NPAS1: variants seen among roughly 807,000 people sequenced by gnomAD.
NPAS1 encodes neuronal PAS domain-containing protein 1.
Under a neutral mutation model 49.2 loss-of-function variants are expected in NPAS1, and 29 were observed. The observed-to-expected ratio is 0.59, with a 90% confidence interval of 0.44 to 0.80. The LOEUF (loss-of-function observed/expected upper bound fraction) is 0.80. Ranked by LOEUF, NPAS1 falls within the 30% of genes least tolerant of loss-of-function variation. The pLI, the probability that NPAS1 is intolerant of heterozygous loss-of-function variation, is 0.00. For missense variants in NPAS1, 825 were observed against 835.5 expected (o/e 0.99, Z 0.15); for synonymous variants, 408 against 380.4 (o/e 1.07, Z -0.84).
chr19:47,045,295 A>C lies in NPAS1; in HGVS notation c.1417A>C (p.Lys473Gln). 2 of 1,614,012 alleles carry C rather than the reference A, an allele frequency of 1.2e-6. No homozygotes were observed. Among genetic ancestry groups the C allele is most frequent in the Middle Eastern group, 3.3e-4 (2 of 6,060 alleles). ...IKVEPGPRET[K>Q]GSEDSGDEDP... The stretch of plus-strand genomic sequence containing the variant: ...AGTGGAGCCCGGCCCGAGGGAAACC[A>C]AAGGCTCCGAGGACAGTGGCGACGA... The change falls in exon 12 of 12, where the codon AAA becomes CAA. Residue 473 changes from lysine to glutamine, a missense_variant. Physicochemically the swap from Lys to Gln is moderately conservative, Grantham distance 53. Transcript: ENST00000602212.
Position 47,032,270 on chromosome 19 carries a change from TGCCCCA to T in NPAS1, c.359_364del. 1.2e-6 allele frequency: 2 copies of T among 1,613,504 alleles called. No individual in the cohort carries two copies. Among genetic ancestry groups the T allele is most frequent in the Non-Finnish European group, 1.7e-6 (2 of 1,179,730 alleles). ...GACTAACAGGCTTCATCCTTCCATC[TGCCCCA>T]GCCCCAGGCCGCCGCGGCCCCGCAG... is the stretch of plus-strand genomic sequence containing the variant. On this transcript the variant is annotated splice_acceptor_variant and splice_polypyrimidine_tract_variant and intron_variant, in intron 3 of 11. Coordinates refer to ENST00000602212, the MANE Select transcript of NPAS1 (RefSeq NM_002517.4). LOFTEE classifies it high-confidence loss of function.
chr19:47,020,878 CTG>C (rs1599889234), intron 1 of NPAS1, 126 bp from the exon 2 acceptor site: 2 of 462,164 alleles, frequency 4.3e-6, no homozygotes. Flanking sequence ...GTAGGGGAAA[CTG>C]AGGCATCATC....
chr19:47,026,819 G>T (rs2056873794), intron 3 of NPAS1, among the ~76,000 whole-genome samples: 1 of 126,550 alleles, frequency 7.9e-6, no homozygotes, highest in African/African-American at 3.3e-5. Context: ...GCCGGGCATG[G>T]TGGTGGTGCC....
At chr19:47,026,162 C>T (rs2122450130) in intron 3 of NPAS1, among the ~76,000 whole-genome samples, 1 of 152,110 alleles carries the variant, frequency 6.6e-6, no homozygotes, top group Admixed American at 6.5e-5. Context: ...TGGTCTTGAA[C>T]TCCTGACCTC....
At chr19:47,027,799 C>T (rs2122463280) in intron 3 of NPAS1, among the ~76,000 whole-genome samples, 1 of 152,242 alleles carries the variant, frequency 6.6e-6, no homozygotes, top group East Asian at 1.9e-4. Flanking sequence ...ATAAGAACCA[C>T]AGCAAGTGTT....
chr19:47,039,214 G>A (rs1018645313), intron 7 of NPAS1, 63 bp downstream of exon 7: 37 of 1,513,746 alleles, frequency 2.4e-5, no homozygotes, highest in African/African-American at 6.9e-5. Flanking sequence ...GAGGGTGACC[G>A]AGGGAACCAG....
At chr19:47,028,002 C>A (rs1205599030) in intron 3 of NPAS1, among the ~76,000 whole-genome samples, 1 of 151,740 alleles carries the variant, frequency 6.6e-6, no homozygotes, top group Admixed American at 6.6e-5. Flanking sequence ...AAAGACACAT[C>A]AGTCAGTGAT....
At chr19:47,035,723 C>T in intron 5 of NPAS1, 1 of 495,718 alleles carries the variant, frequency 2.0e-6, no homozygotes. Flanking sequence ...ACACACAGCC[C>T]CTTAATAGAG....
In NPAS1 at chr19:47,032,663, C is replaced by T. The variant is rs771145105; in HGVS notation, c.453C>T (p.Phe151=). 31 of 1,613,988 alleles carry T rather than the reference C, an allele frequency of 1.9e-5. No individual in the cohort carries two copies. The highest frequency in any genetic ancestry group is 6.7e-5 in the African/African-American group (5 of 74,914). Residue 151 remains phenylalanine, a synonymous_variant, in exon 5 of 12, where the codon TTC becomes TTT. Transcript: ENST00000602212. ...TCTAGTCCCTGGATGGCTTTGTGTT[C>T]GCCTTGAACCAGGAAGGAAAATTCC... ...HILQSLDGFV[F]ALNQEGKFLY...
chr19:47,032,729 A>G lies in NPAS1; in HGVS notation c.519A>G (p.Ser173=). 1 of 1,612,780 alleles carries G rather than the reference A, an allele frequency of 6.2e-7. No homozygotes were observed. The highest frequency in any genetic ancestry group is 2.2e-5 in the East Asian group (1 of 44,866). Reference sequence around the variant, plus strand: ...CAGTCTCCATCTATCTGGGTCTCTCACAGGTAAGGGACCCCCAGTGGACCT... The same window carrying G: ...CAGTCTCCATCTATCTGGGTCTCTCGCAGGTAAGGGACCCCCAGTGGACCT... ...SETVSIYLGL[S]QVEMTGSSVF... is the part of the protein sequence containing the mutation. The change falls in exon 5 of 12, where the codon TCA becomes TCG. Residue 173 remains serine, a synonymous_variant. Transcript: ENST00000602212.
chr19:47,024,345 C>T (rs557559169), intron 3 of NPAS1, among the ~76,000 whole-genome samples: 3 of 151,920 alleles, frequency 2.0e-5, no homozygotes, highest in Non-Finnish European at 4.4e-5. Context: ...CTGGGATAAG[C>T]CCTGTATACA....
At chr19:47,023,389 A>G (rs1461993213) in intron 3 of NPAS1, among the ~76,000 whole-genome samples, 1 of 152,154 alleles carries the variant, frequency 6.6e-6, no homozygotes, top group Non-Finnish European at 1.5e-5. Context: ...GTGGCAGAGC[A>G]TGGACTTAAT....
At chr19:47,044,676 A>G (rs55974472) in intron 11 of NPAS1, among the ~76,000 whole-genome samples, 2,637 of 151,980 alleles carry the variant, frequency 0.017, 61 homozygotes, top group African/African-American at 0.061. Context: ...GCCAATGGTG[A>G]CCTCCCCAGG....
rs1442726958 is a variant in NPAS1 at position 47,045,735 on chromosome 19, G to T, written c.*84G>T. ...GGCCCGGCTCTGCCCGTAGCCCTGA[G>T]AATTAAACGCCGGCTCTCCCTGCAG... On this transcript the variant is annotated 3_prime_UTR_variant, in exon 12 of 12. Coordinates refer to ENST00000602212, the MANE Select transcript of NPAS1 (RefSeq NM_002517.4). 1.7e-6 allele frequency: 2 copies of T among 1,205,968 alleles called. No individual in the cohort carries two copies. Among genetic ancestry groups the T allele is most frequent in the Admixed American group, 6.8e-5 (2 of 29,446 alleles). 74.7% of individuals were successfully genotyped at this position (1,205,968 alleles called of 1,614,324 possible). A position where few individuals can be genotyped will look rare whatever the true frequency, so the allele number is the denominator to read the frequency against.
At position 47,045,567 on chromosome 19, in the gene NPAS1, C is replaced by G. The variant is rs572794688; in HGVS notation, c.1689C>G (p.Pro563=). The G allele has an allele frequency of 6.7e-7, 1 of 1,499,818 alleles. No individual in the cohort carries two copies. The highest frequency in any genetic ancestry group is 8.8e-7 in the Non-Finnish European group (1 of 1,134,746). The allele number at this position is 1,499,818 out of a possible 1,614,324, so 92.9% of individuals were successfully genotyped here. The stretch of plus-strand genomic sequence containing the variant: ...ACCTGCAGAGGCTGGGTCCGGGCCC[C>G]GCGCTCCCGGAGGCCTTTTACCCGC... ...YPHLQRLGPG[P]ALPEAFYPPL... Residue 563 remains proline (P), a synonymous_variant, in exon 12 of 12, where the codon CCC becomes CCG. Coordinates refer to ENST00000602212, the MANE Select transcript of NPAS1 (RefSeq NM_002517.4).
At chr19:47,024,956 CCT>C in intron 3 of NPAS1, among the ~76,000 whole-genome samples, 1 of 150,782 alleles carries the variant, frequency 6.6e-6, no homozygotes, top group East Asian at 2.0e-4. Context: ...ATTACAGGCG[CCT>C]GCCACCGCGC....
rs1187555101 is a variant in NPAS1 at position 47,040,633 on chromosome 19, T to C, written c.1069+83T>C. ...ACTCCCTGGTCCCTGGAAGTCCTTC[T>C]TCAGGGCTGCCCACAGTCCCTCCTG... On this transcript the variant is annotated intron_variant, in intron 9 of 11. Transcript: ENST00000602212. The C allele has an allele frequency of 1.8e-5, 17 of 950,440 alleles. No homozygotes were observed. The East Asian group carries it at 4.2e-4, about 24-fold the overall frequency. The allele number at this position is 950,440 out of a possible 1,614,324, so 58.9% of individuals were successfully genotyped here.
chr19:47,037,898 A>T (rs979723193), intron 6 of NPAS1, among the ~76,000 whole-genome samples: 1 of 152,088 alleles, frequency 6.6e-6, no homozygotes, highest in Non-Finnish European at 1.5e-5. Flanking sequence ...CTATTCCCCA[A>T]TCCCCTGTTC....
chr19:47,020,506 C>T (rs1462796771), intron 1 of NPAS1, among the ~76,000 whole-genome samples: 6 of 151,818 alleles, frequency 4.0e-5, no homozygotes, highest in Non-Finnish European at 7.4e-5. Context: ...ATGGGGGTCC[C>T]TGCCCTCTGC....
Sources: gnomAD v4.1 joint callset for allele counts (sites outside exome capture counted in the v4.1 genomes callset) on GRCh38, gnomAD v4.1.1 for gene constraint, MANE v1.5 for transcripts, NCBI Gene and HGNC (gene_info 2026-07-23, HGNC 2026-07-21) for gene names.